The following ATP8A2 variants were observed in gnomAD, a reference collection of about 807,000 sequenced individuals.
ATP8A2 encodes phospholipid-transporting ATPase IB.
A neutral mutation model predicts 165.6 loss-of-function variants in ATP8A2; 100 were observed. The ratio of observed to expected loss-of-function variants is 0.60; its 90% CI spans 0.51 to 0.71. ATP8A2 has a LOEUF of 0.71. ATP8A2 is among the 30% of genes least tolerant of loss of function. The probability of loss-of-function intolerance (pLI) is 0.00; values close to 1 mark genes in which losing one functional copy is unlikely to be tolerated. For synonymous variants in ATP8A2, 543 were observed against 548.8 expected (o/e 0.99, Z 0.15); for missense variants, 1,227 against 1,479.5 (o/e 0.83, Z 2.80).
intron 30 of ATP8A2, among the ~76,000 whole-genome samples, chr13:25,853,696 C>T (rs542474736): frequency 6.6e-6 from 1 of 152,232 alleles, no homozygotes; most frequent in South Asian, 2.1e-4. Flanking sequence ...GGTGGGACTT[C>T]AAGCACATAG....
chr13:25,916,167 CAGAA>C (rs1341896720), intron 33 of ATP8A2, among the ~76,000 whole-genome samples: 2 of 152,126 alleles, frequency 1.3e-5, no homozygotes, highest in African/African-American at 4.8e-5. Flanking sequence ...AACAATGTGA[CAGAA>C]AGGGAAAAAA....
rs970905291 is a variant in ATP8A2, at chr13:25,914,598, A to C, written c.3184-46977A>C. On this transcript the variant is annotated intron_variant, in intron 33 of 36. Coordinates refer to ENST00000381655, the MANE Select transcript of ATP8A2 (RefSeq NM_016529.6). Reference sequence around the variant, plus strand: ...AGTATGTCTTCAAATCCACATTCTCAATGCTGATGTACTGGTGTGGCCCTG... The same window carrying C: ...AGTATGTCTTCAAATCCACATTCTCCATGCTGATGTACTGGTGTGGCCCTG... Among the ~76,000 whole-genome samples the C allele has an allele frequency of 2.0e-5, 3 of 152,116 alleles. No individual in the cohort carries two copies. The East Asian group carries it at 5.8e-4, about 29-fold the overall frequency.
At chr13:25,465,914 C>A (rs970194338) in intron 1 of ATP8A2, among the ~76,000 whole-genome samples, 4 of 151,436 alleles carry the variant, frequency 2.6e-5, no homozygotes, top group Admixed American at 6.6e-5. Context: ...CATGAGCCAC[C>A]ATGCCCAGCT....
intron 24 of ATP8A2, among the ~76,000 whole-genome samples, chr13:25,654,817 C>G (rs117382730): frequency 6.6e-6 from 1 of 152,258 alleles, no homozygotes; most frequent in Non-Finnish European, 1.5e-5. Flanking sequence ...CATAGAAATG[C>G]CCATCAGTGA....
At chr13:25,680,037 G>A (rs2042451764) in intron 24 of ATP8A2, among the ~76,000 whole-genome samples, 1 of 152,084 alleles carries the variant, frequency 6.6e-6, no homozygotes, top group Admixed American at 6.5e-5. Context: ...TAAAGTGGGG[G>A]CAGAAATTGA....
chr13:25,843,709 G>A (rs749134221), intron 30 of ATP8A2, among the ~76,000 whole-genome samples: 5 of 152,112 alleles, frequency 3.3e-5, no homozygotes, highest in South Asian at 2.1e-4. Flanking sequence ...ATAGTCAGCC[G>A]AAAGAACTAA....
intron 24 of ATP8A2, among the ~76,000 whole-genome samples, chr13:25,631,982 C>T (rs2041251668): frequency 6.6e-6 from 1 of 152,144 alleles, no homozygotes; most frequent in Non-Finnish European, 1.5e-5. Context: ...CCCCACAAGG[C>T]TCTCCCCGAC....
At chr13:25,867,321 G>A (rs562500246) in intron 33 of ATP8A2, among the ~76,000 whole-genome samples, 1 of 152,246 alleles carries the variant, frequency 6.6e-6, no homozygotes, top group South Asian at 2.1e-4. Flanking sequence ...CCCTGGATTT[G>A]TAGCAGGCCT....
At chr13:25,920,921 T>A (rs890972521) in intron 33 of ATP8A2, among the ~76,000 whole-genome samples, 2 of 151,806 alleles carry the variant, frequency 1.3e-5, no homozygotes, top group African/African-American at 4.8e-5. Context: ...TACAAAAAAA[T>A]TAGCCAGGTG....
In ATP8A2 at chr13:25,561,421, C is replaced by T. The variant is rs550282474; in HGVS notation, c.1397+1656C>T. ...TTTTTCACCTTGATCTTCTATCCTT[C>T]GTCATGAGTTTTCTGTGTGATCTCA... On this transcript the variant is annotated intron_variant, in intron 15 of 36. Coordinates refer to ENST00000381655, the MANE Select transcript of ATP8A2 (RefSeq NM_016529.6). Among the ~76,000 whole-genome samples, 16 of 152,014 alleles carry T rather than the reference C, an allele frequency of 1.1e-4. No individual in the cohort carries two copies. The South Asian group carries it at 1.7e-3, about 16-fold the overall frequency.
chr13:25,995,585 A>G (rs536705759), intron 35 of ATP8A2, among the ~76,000 whole-genome samples: 1 of 151,782 alleles, frequency 6.6e-6, no homozygotes, highest in East Asian at 1.9e-4. Flanking sequence ...TTAATTTCCA[A>G]GTGTTTGAAG....
At chr13:25,768,325 T>C (rs2044539974) in intron 25 of ATP8A2, among the ~76,000 whole-genome samples, 1 of 152,160 alleles carries the variant, frequency 6.6e-6, no homozygotes. Flanking sequence ...ACTTGAGGAC[T>C]TAGGAAAGCT....
At chr13:25,504,528 C>T (rs2036964430) in intron 2 of ATP8A2, among the ~76,000 whole-genome samples, 1 of 144,522 alleles carries the variant, frequency 6.9e-6, no homozygotes, top group Non-Finnish European at 1.5e-5. Context: ...ATCATGAGGT[C>T]AGGAGATCGA....
At chr13:25,733,556 C>G (rs1029314362) in intron 25 of ATP8A2, among the ~76,000 whole-genome samples, 1 of 152,144 alleles carries the variant, frequency 6.6e-6, no homozygotes, top group African/African-American at 2.4e-5. Flanking sequence ...AAGTTGTATT[C>G]TTTCCACCAG....
At chr13:25,537,713 C>T (rs59816413) in intron 6 of ATP8A2, among the ~76,000 whole-genome samples, 18,279 of 152,080 alleles carry the variant, frequency 0.12, 1,318 homozygotes, top group Non-Finnish European at 0.18. Flanking sequence ...TGTAAGAAAA[C>T]GAGATCTTTA....
intron 24 of ATP8A2, among the ~76,000 whole-genome samples, chr13:25,593,786 T>C (rs2040159180): frequency 6.6e-6 from 1 of 152,202 alleles, no homozygotes; most frequent in African/African-American, 2.4e-5. Flanking sequence ...CATTCATGTG[T>C]ATTGGTTAAA....
chr13:25,500,746 A>AT (rs1249760013), intron 2 of ATP8A2, among the ~76,000 whole-genome samples: 2 of 151,818 alleles, frequency 1.3e-5, no homozygotes, highest in Admixed American at 6.6e-5. Flanking sequence ...CACTCGACTA[A>AT]TTTTTTTTGT....
At chr13:25,888,067 G>GAC (rs1953217445) in intron 33 of ATP8A2, among the ~76,000 whole-genome samples, 1 of 107,784 alleles carries the variant, frequency 9.3e-6, no homozygotes, top group Non-Finnish European at 2.1e-5. Flanking sequence ...AAAGAACCCA[G>GAC]ACCCCCCCCC....
At position 25,891,594 on chromosome 13, in the gene ATP8A2, G is replaced by C. The variant is rs112285374; in HGVS notation, c.3183+29186G>C. ...CTACCTTGGCCTCCCAAAGTGCTGC[G>C]ATTACAGGTGCGAGCCACTGTGCCC... is the stretch of plus-strand genomic sequence containing the variant. On this transcript the variant is annotated intron_variant, in intron 33 of 36. Transcript: ENST00000381655. Among the ~76,000 whole-genome samples the C allele has an allele frequency of 1.3e-3, 204 of 152,210 alleles. 2 individuals are homozygous for C. Among genetic ancestry groups the C allele is most frequent in the African/African-American group, 4.8e-3 (199 of 41,540 alleles).
Sources: gnomAD v4.1 joint callset for allele counts (sites outside exome capture counted in the v4.1 genomes callset) on GRCh38, gnomAD v4.1.1 for gene constraint, MANE v1.5 for transcripts, NCBI Gene and HGNC (gene_info 2026-07-23, HGNC 2026-07-21) for gene names.